Variants in TBL1Y observed in about 807,000 individuals in gnomAD.
The protein encoded by TBL1Y is F-box-like/WD repeat-containing protein TBL1Y.
Under a neutral mutation model 12.0 loss-of-function variants are expected in TBL1Y, and 15 were observed. That is an observed-to-expected ratio of 1.25 (90% CI 0.83 to 1.92). TBL1Y has a LOEUF of 1.92. Ranked by LOEUF, TBL1Y falls within the 40% of genes most tolerant of loss-of-function variation. TBL1Y has a pLI of 0.00. For synonymous variants in TBL1Y, 53 were observed against 42.6 expected, an observed-to-expected ratio of 1.24 and a Z score of -0.95; for missense variants, 148 against 116.7, an observed-to-expected ratio of 1.27 and a Z score of -1.24.
chrY:6,993,592 G>T, intron 3 of TBL1Y, among the ~76,000 whole-genome samples: 1 of 30,818 alleles, frequency 3.2e-5, no homozygotes, highest in Non-Finnish European at 7.6e-5. Context: ...CCCTCCCTGT[G>T]TCTGTGTGTT....
intron 2 of TBL1Y, among the ~76,000 whole-genome samples, chrY:6,917,774 C>T (rs751933338): frequency 6.1e-5 from 2 of 32,609 alleles, no homozygotes; most frequent in Non-Finnish European, 1.5e-4. Flanking sequence ...TGTTTCTCAG[C>T]CCCTTCCTTT....
intron 2 of TBL1Y, 99 bp downstream of exon 2, chrY:6,912,271 C>T: frequency 2.9e-5 from 1 of 33,928 alleles, no homozygotes; most frequent in Non-Finnish European, 7.3e-5. Flanking sequence ...GAGTATGATG[C>T]ATTTATTTTA....
At position 7,063,995 on chromosome Y, in the gene TBL1Y, G is replaced by C. The variant is rs774330206; in HGVS notation, c.303G>C (p.Glu101Asp). The C allele has an allele frequency of 2.3e-5, 9 of 396,426 alleles. No homozygotes were observed. Among genetic ancestry groups the C allele is most frequent in the Admixed American group, 7.6e-5 (1 of 13,187 alleles). Reference sequence around the variant, plus strand: ...AGATGCGGCAGCAGGCATTTGGAGAGAAGCTCACTCAGCAGCAAGCCAGTG... The same window carrying C: ...AGATGCGGCAGCAGGCATTTGGAGACAAGCTCACTCAGCAGCAAGCCAGTG... ...VVQMRQQAFG[E>D]KLTQQQASAA... is the part of the protein sequence containing the mutation. The change falls in exon 8 of 19, where the codon GAG becomes GAC. Residue 101 changes from glutamate (E) to aspartate (D), a missense_variant. Transcript: ENST00000383032.
intron 4 of TBL1Y, among the ~76,000 whole-genome samples, chrY:7,016,457 T>C (rs1056163927): frequency 1.2e-4 from 4 of 32,300 alleles, no homozygotes; most frequent in African/African-American, 4.9e-4. Context: ...TAGGATTGCA[T>C]GTGTAACACA....
At chrY:6,955,743 C>T (rs2012066049) in intron 2 of TBL1Y, among the ~76,000 whole-genome samples, 1 of 34,056 alleles carries the variant, frequency 2.9e-5, no homozygotes, top group East Asian at 7.8e-4. Context: ...TTAAGTCATT[C>T]TGTCTCCACA....
intron 2 of TBL1Y, among the ~76,000 whole-genome samples, chrY:6,976,426 G>A: frequency 3.0e-5 from 1 of 33,696 alleles, no homozygotes; most frequent in Non-Finnish European, 7.4e-5. Flanking sequence ...GTTGTTCTCT[G>A]TTAATCATAG....
chrY:7,004,995 T>C (rs984597148), intron 4 of TBL1Y, among the ~76,000 whole-genome samples: 1 of 33,596 alleles, frequency 3.0e-5, no homozygotes, highest in Non-Finnish European at 7.3e-5. Context: ...TAGTACGTCA[T>C]GATCCATGAA....
chrY:7,001,865 C>CA (rs2012455142), intron 4 of TBL1Y, among the ~76,000 whole-genome samples: 1 of 34,177 alleles, frequency 2.9e-5, no homozygotes, highest in South Asian at 6.5e-4. Flanking sequence ...TAAATGTAGA[C>CA]AAAATGGGGA....
chrY:6,995,086 G>A (rs2012401784), intron 3 of TBL1Y, among the ~76,000 whole-genome samples: 1 of 32,857 alleles, frequency 3.0e-5, no homozygotes, highest in Non-Finnish European at 7.5e-5. Flanking sequence ...CTCTGGCCTC[G>A]GTGGGCATGT....
At chrY:7,024,197 C>T in intron 5 of TBL1Y, among the ~76,000 whole-genome samples, 1 of 33,538 alleles carries the variant, frequency 3.0e-5, no homozygotes, top group Non-Finnish European at 7.4e-5. Flanking sequence ...GTGAACGGTG[C>T]TACAATAACA....
At chrY:6,997,210 G>A in intron 4 of TBL1Y, among the ~76,000 whole-genome samples, 2 of 33,222 alleles carry the variant, frequency 6.0e-5, no homozygotes, top group African/African-American at 2.4e-4. Flanking sequence ...GAGGCCAGGA[G>A]TTTGAGACCA....
chrY:6,992,389 T>A (rs2012373248), intron 3 of TBL1Y, among the ~76,000 whole-genome samples: 1 of 32,819 alleles, frequency 3.0e-5, no homozygotes, highest in Non-Finnish European at 7.5e-5. Context: ...TGTCCAAATT[T>A]CCCTTTGTAT....
intron 2 of TBL1Y, 69 bp from the exon 3 acceptor site, chrY:6,978,144 A>G: frequency 2.9e-5 from 1 of 34,024 alleles, no homozygotes; most frequent in Non-Finnish European, 7.3e-5. Context: ...ATGCACGTAC[A>G]TGTTGTATAT....
chrY:6,999,807 C>G, intron 4 of TBL1Y, among the ~76,000 whole-genome samples: 1 of 18,265 alleles, frequency 5.5e-5, no homozygotes, highest in African/African-American at 2.3e-4. Context: ...CTCCCTTCCC[C>G]TCCTCTCCTC....
chrY:7,027,145 AC>A (rs2012630729), intron 6 of TBL1Y, among the ~76,000 whole-genome samples: 1 of 32,431 alleles, frequency 3.1e-5, no homozygotes, highest in African/African-American at 1.2e-4. Flanking sequence ...TCAATGATCC[AC>A]CCACCTTGGC....
intron 7 of TBL1Y, among the ~76,000 whole-genome samples, chrY:7,054,566 G>A (rs913301206): frequency 2.2e-3 from 73 of 33,723 alleles, no homozygotes; most frequent in Non-Finnish European, 4.8e-3. Context: ...TATGGCTTGA[G>A]CTGAGCTTTC....
chrY:6,913,590 T>G, intron 2 of TBL1Y, among the ~76,000 whole-genome samples: 2 of 32,509 alleles, frequency 6.2e-5, no homozygotes, highest in African/African-American at 2.4e-4. Flanking sequence ...TTGTGTAACT[T>G]TGAACTCCTG....
chrY:6,919,409 C>T (rs2124092522), intron 2 of TBL1Y: 1 of 32,946 alleles, frequency 3.0e-5, no homozygotes, highest in South Asian at 7.1e-4. Context: ...ACATGGGGCA[C>T]CTGCCTGTAG....
chrY:7,079,156 C>T (rs2013078007), intron 13 of TBL1Y, among the ~76,000 whole-genome samples: 1 of 34,235 alleles, frequency 2.9e-5, no homozygotes, highest in Non-Finnish European at 7.3e-5. Flanking sequence ...ACCCCCAGCT[C>T]ATTCCATGTC....
Sources: allele counts gnomAD v4.1 joint callset (sites outside exome capture counted in the v4.1 genomes callset), GRCh38; gene constraint gnomAD v4.1.1; transcripts MANE v1.5; gene names NCBI Gene and HGNC (gene_info 2026-07-23, HGNC 2026-07-21).